Variants in SNCG observed in about 807,000 individuals in gnomAD.
SNCG encodes the protein synuclein gamma.
In SNCG, 13 loss-of-function variants were observed where a neutral mutation model predicts 16.0. The ratio of observed to expected loss-of-function variants is 0.81; its 90% CI spans 0.53 to 1.29. The LOEUF (loss-of-function observed/expected upper bound fraction) is 1.29, where lower values mean the gene tolerates loss of function less well. SNCG is among the 50% of genes most tolerant of loss of function. The pLI is 0.00. For synonymous variants in SNCG, 66 were observed against 66.3 expected, an observed-to-expected ratio of 1.00 and a Z score of 0.02; for missense variants, 154 against 168.5, an observed-to-expected ratio of 0.91 and a Z score of 0.48.
chr10:86,962,735 C>G, intron 4 of SNCG, 60 bp downstream of exon 4: 1 of 1,392,594 alleles, frequency 7.2e-7, no homozygotes, highest in Non-Finnish European at 1.0e-6. Flanking sequence ...CCCCATCCCC[C>G]ACAGACGCAC....
upstream of SNCG, chr10:86,958,523 C>A: frequency 1.5e-6 from 2 of 1,302,700 alleles, no homozygotes; most frequent in East Asian, 3.9e-5. Context: ...TCCCCGCCCC[C>A]ACTGCACGCA....
In SNCG at chr10:86,958,734, G is replaced by A; in HGVS notation, c.37G>A (p.Glu13Lys). The change falls in exon 1 of 5, where the codon GAG (glutamate) becomes AAG (lysine). Residue 13 changes from glutamate to lysine, a missense_variant. Physicochemically the swap from Glu to Lys is moderately conservative, Grantham distance 56. Transcript: ENST00000372017. ...CAAGAAGGGCTTCTCCATCGCCAAG[G>A]AGGGCGTGGTGGGTGCGGTGGAAAA... Reference protein sequence around the residue: ...VFKKGFSIAKEGVVGAVEKTK... With the variant: ...VFKKGFSIAKKGVVGAVEKTK... The A allele has an allele frequency of 2.5e-6, 4 of 1,614,116 alleles. No individual in the cohort carries two copies. The highest frequency in any genetic ancestry group is 3.4e-6 in the Non-Finnish European group (4 of 1,179,996).
upstream of SNCG, chr10:86,958,195 A>G (rs925646651): frequency 3.5e-5 from 34 of 971,842 alleles, no homozygotes; most frequent in Non-Finnish European, 3.9e-5. Flanking sequence ...CTCACCTAAC[A>G]GGCCTATGTG....
chr10:86,956,653 T>C (rs563583844), upstream of SNCG, among the ~76,000 whole-genome samples: 5 of 152,334 alleles, frequency 3.3e-5, no homozygotes, highest in Admixed American at 6.5e-5. Context: ...GCTCCTCCTC[T>C]GTAAGTGGGG....
chr10:86,962,853 ACGGATGACCCCT>A, intron 4 of SNCG, 100 bp from the exon 5 acceptor site: 1 of 1,316,048 alleles, frequency 7.6e-7, no homozygotes, highest in Non-Finnish European at 1.1e-6. Flanking sequence ...AGGTCCCCCC[ACGGATGACCCCT>A]CAGGCATGGG....
intron 3 of SNCG, among the ~76,000 whole-genome samples, chr10:86,960,786 G>T (rs188603724): frequency 6.6e-6 from 1 of 152,258 alleles, no homozygotes; most frequent in Non-Finnish European, 1.5e-5. Flanking sequence ...CGCACCCCAG[G>T]GACGGGTGTT....
rs779786957 is a variant in SNCG, at chr10:86,959,582, C to T, written c.122-51C>T. 1.7e-5 allele frequency: 26 copies of T among 1,570,974 alleles called. No homozygotes were observed. Among genetic ancestry groups the T allele is most frequent in the Non-Finnish European group, 2.3e-5 (26 of 1,141,126 alleles). The stretch of plus-strand genomic sequence containing the variant: ...TGTTCTGTTGTGTTTGTCCTGACCG[C>T]CCCCAACACCTCGAGGGAGGTCTGG... On this transcript the variant is annotated intron_variant, in intron 1 of 4. Transcript: ENST00000372017. The surrounding 1 kb of genome is among the most constrained non-coding windows in gnomAD (Gnocchi z 4.3).
At chr10:86,957,885 C>A, upstream of SNCG, 1 of 1,100,128 alleles carries the variant, frequency 9.1e-7, no homozygotes, top group African/African-American at 1.7e-5. Flanking sequence ...CGAGGTGGGG[C>A]CACAGGAAGT....
At chr10:86,956,664 CT>C (rs1455672886), upstream of SNCG, among the ~76,000 whole-genome samples, 1 of 152,198 alleles carries the variant, frequency 6.6e-6, no homozygotes, top group African/African-American at 2.4e-5. Flanking sequence ...GTAAGTGGGG[CT>C]GTTGGAGGGA....
chr10:86,957,272 C>T, upstream of SNCG: 1 of 1,181,052 alleles, frequency 8.5e-7, no homozygotes, highest in Admixed American at 1.8e-5. Context: ...TACTATTAGC[C>T]CATTTCACAG....
At chr10:86,960,276 T>C (rs1180635554) in intron 3 of SNCG, 148 bp downstream of exon 3, 59 of 758,372 alleles carry the variant, frequency 7.8e-5, no homozygotes, top group Middle Eastern at 3.9e-4. Flanking sequence ...AGCGCCGGCA[T>C]GGGGTGGGGT....
Position 86,959,532 on chromosome 10 carries a change from C to G in SNCG, c.122-101C>G, listed in dbSNP as rs887501056. 1.9e-6 allele frequency: 2 copies of G among 1,050,820 alleles called. No individual in the cohort carries two copies. Among genetic ancestry groups the G allele is most frequent in the African/African-American group, 1.6e-5 (1 of 63,494 alleles). 65.1% of individuals were successfully genotyped at this position (1,050,820 alleles called of 1,614,324 possible). A position where few individuals can be genotyped will look rare whatever the true frequency, so the allele number is the denominator to read the frequency against. Reference sequence around the variant, plus strand: ...GCCCCCAGACACCATCCTTACCCCCCCACCGACCCCACAGTTTGTCCAGCT... The same window carrying G: ...GCCCCCAGACACCATCCTTACCCCCGCACCGACCCCACAGTTTGTCCAGCT... On this transcript the variant is annotated intron_variant, in intron 1 of 4. Coordinates refer to ENST00000372017, the MANE Select transcript of SNCG (RefSeq NM_003087.3). This position sits in a 1 kb window ranked among gnomAD's most constrained non-coding sequence, Gnocchi z 4.3.
In SNCG at chr10:86,963,110, C is replaced by CT. The variant is rs1844385713; in HGVS notation, c.*126dup. On this transcript the variant is annotated 3_prime_UTR_variant, in exon 5 of 5. Transcript: ENST00000372017. ...TGCCCACGCTCCTGCCCTCGTCTCC[C>CT]TGGCCACCCTTGGCCTGTCCACCTG... The CT allele has an allele frequency of 1.0e-6, 1 of 991,100 alleles. No homozygotes were observed. Among genetic ancestry groups the CT allele is most frequent in the African/African-American group, 1.6e-5 (1 of 61,298 alleles). The allele number at this position is 991,100 out of a possible 1,614,324, so 61.4% of individuals were successfully genotyped here.
rs565755260 is a variant in SNCG, at chr10:86,960,136, C to T, written c.291+8C>T. On this transcript the variant is annotated splice_region_variant and intron_variant, in intron 3 of 4. Coordinates refer to ENST00000372017, the MANE Select transcript of SNCG (RefSeq NM_003087.3). ...TCCGGGGTGGTGCGCAAGGTGAGCC[C>T]CGGCCCTCAGACCTGCCCAGTCCTC... is the stretch of plus-strand genomic sequence containing the variant. 1.2e-6 allele frequency: 2 copies of T among 1,609,870 alleles called. No homozygotes were observed. The highest frequency in any genetic ancestry group is 2.2e-5 in the East Asian group (1 of 44,758).
At chr10:86,956,661 G>A (rs1194486912), upstream of SNCG, among the ~76,000 whole-genome samples, 1 of 152,218 alleles carries the variant, frequency 6.6e-6, no homozygotes, top group Non-Finnish European at 1.5e-5. Flanking sequence ...TCTGTAAGTG[G>A]GGCTGTTGGA....
chr10:86,963,095 C>T lies in SNCG; in HGVS notation c.*110C>T. On this transcript the variant is annotated 3_prime_UTR_variant, in exon 5 of 5. Coordinates refer to ENST00000372017, the MANE Select transcript of SNCG (RefSeq NM_003087.3). ...TGAGTGACATGCGGCTGCCCACGCTCCTGCCCTCGTCTCCCTGGCCACCCT... is the reference window on the plus strand; with the variant it reads ...TGAGTGACATGCGGCTGCCCACGCTTCTGCCCTCGTCTCCCTGGCCACCCT... 2 of 1,161,970 alleles carry T rather than the reference C, an allele frequency of 1.7e-6. No homozygotes were observed. The highest frequency in any genetic ancestry group is 2.4e-6 in the Non-Finnish European group (2 of 829,992). The allele number at this position is 1,161,970 out of a possible 1,614,324, so 72.0% of individuals were successfully genotyped here.
chr10:86,963,197 C>A lies in SNCG; in HGVS notation c.*212C>A. On this transcript the variant is annotated 3_prime_UTR_variant, in exon 5 of 5. Transcript: ENST00000372017. ...CACCCACCCTCTGGTCCTTCTGACCCCACTTATGCTGCTGTGAATTTTTTT... is the reference window on the plus strand; with the variant it reads ...CACCCACCCTCTGGTCCTTCTGACCACACTTATGCTGCTGTGAATTTTTTT... 1 of 439,134 alleles carries A rather than the reference C, an allele frequency of 2.3e-6. No homozygotes were observed. Among genetic ancestry groups the A allele is most frequent in the East Asian group, 3.5e-5 (1 of 28,910 alleles). 27.2% of individuals were successfully genotyped at this position (439,134 alleles called of 1,614,324 possible). A position where few individuals can be genotyped will look rare whatever the true frequency, so the allele number is the denominator to read the frequency against.
At chr10:86,957,761 G>T (rs1844261234), upstream of SNCG, 1 of 1,355,870 alleles carries the variant, frequency 7.4e-7, no homozygotes, top group South Asian at 1.9e-5. Context: ...GCCAGTTCCT[G>T]TCCCTGAGGA....
chr10:86,960,855 G>T (rs964290931), intron 3 of SNCG, among the ~76,000 whole-genome samples: 1 of 152,224 alleles, frequency 6.6e-6, no homozygotes, highest in African/African-American at 2.4e-5. Context: ...CGCATTGTAC[G>T]CTTATTAGTT....
Sources: allele counts gnomAD v4.1 joint callset (sites outside exome capture counted in the v4.1 genomes callset), GRCh38; gene constraint gnomAD v4.1.1; non-coding constraint Gnocchi (gnomAD v3.1); transcripts MANE v1.5; gene names NCBI Gene and HGNC (gene_info 2026-07-23, HGNC 2026-07-21).